Variants in TOGARAM2 observed in about 807,000 individuals in gnomAD.
TOGARAM2 encodes the protein TOG array regulator of axonemal microtubules protein 2.
Under a neutral mutation model 93.3 loss-of-function variants are expected in TOGARAM2, and 85 were observed. The ratio of observed to expected loss-of-function variants is 0.91; its 90% CI spans 0.76 to 1.09. TOGARAM2 has a LOEUF of 1.09. TOGARAM2 is among the 50% of genes least tolerant of loss of function. The probability of loss-of-function intolerance (pLI) is 0.00; values close to 1 mark genes in which losing one functional copy is unlikely to be tolerated. For missense variants in TOGARAM2, 1,277 were observed against 1,334.5 expected (o/e 0.96, Z 0.67); for synonymous variants, 593 against 552.8 (o/e 1.07, Z -1.02).
At position 29,014,171 on chromosome 2, in the gene TOGARAM2, A is replaced by C. The variant is rs149581155; in HGVS notation, c.878-224A>C. 1.1e-3 allele frequency among the ~76,000 whole-genome samples: 173 copies of C among 152,334 alleles called. 1 individual carries two copies. The highest frequency in any genetic ancestry group is 3.9e-3 in the African/African-American group (164 of 41,576). On this transcript the variant is annotated intron_variant, in intron 7 of 19. Transcript: ENST00000379558. Reference sequence around the variant, plus strand: ...CCCAATCCCACACCTATCTTGGAATAAAGTGTGCAGTGAATGAACGAATGG... The same window carrying C: ...CCCAATCCCACACCTATCTTGGAATCAAGTGTGCAGTGAATGAACGAATGG...
upstream of TOGARAM2, chr2:28,981,263 T>C (rs1672177037): frequency 6.6e-6 from 1 of 152,282 alleles, no homozygotes; most frequent in African/African-American, 2.4e-5. Context: ...CAGGGAGCTA[T>C]GGGCTCCTTC....
chr2:29,041,258 A>G (rs947640975), intron 18 of TOGARAM2, among the ~76,000 whole-genome samples: 3 of 152,146 alleles, frequency 2.0e-5, no homozygotes, highest in South Asian at 2.1e-4. Flanking sequence ...TCCTGACCTC[A>G]GGTGATCTGC....
chr2:29,027,644 A>C (rs115516872), intron 14 of TOGARAM2, among the ~76,000 whole-genome samples: 2,563 of 151,292 alleles, frequency 0.017, 67 homozygotes, highest in African/African-American at 0.058. Flanking sequence ...TTGTAGTCCC[A>C]GCTACTGAGG....
At chr2:28,959,056 T>C (rs1671763953) in intron 1 of TOGARAM2, among the ~76,000 whole-genome samples, 5 of 152,156 alleles carry the variant, frequency 3.3e-5, no homozygotes, top group Admixed American at 3.3e-4. Flanking sequence ...GGAATCCTGA[T>C]GGGAGGAGAT....
At chr2:28,967,691 C>T (rs192573502) in intron 1 of TOGARAM2, among the ~76,000 whole-genome samples, 41 of 151,818 alleles carry the variant, frequency 2.7e-4, no homozygotes, top group Admixed American at 7.2e-4. Flanking sequence ...GCGCTTACTC[C>T]GTGACCTTTG....
intron 10 of TOGARAM2, among the ~76,000 whole-genome samples, chr2:29,019,175 CTCTT>C (rs1664776358): frequency 8.0e-6 from 1 of 125,576 alleles, no homozygotes; most frequent in Non-Finnish European, 1.7e-5. Flanking sequence ...ACCCAACTGA[CTCTT>C]TTTTTTTTTT....
chr2:29,014,666 G>A (rs1572708271), intron 8 of TOGARAM2, 105 bp downstream of exon 8: 1 of 1,426,156 alleles, frequency 7.0e-7, no homozygotes, highest in Non-Finnish European at 9.3e-7. Flanking sequence ...CAGCCACAGA[G>A]CAGAGCAAGG....
chr2:29,024,611 G>T (rs1279404936), intron 13 of TOGARAM2, among the ~76,000 whole-genome samples: 2 of 152,130 alleles, frequency 1.3e-5, no homozygotes, highest in African/African-American at 4.8e-5. Flanking sequence ...TTAGCTGGGG[G>T]AGGAAGACCC....
At chr2:29,036,495 C>T (rs761036017) in intron 17 of TOGARAM2, 46 bp from the exon 18 acceptor site, 2 of 1,601,484 alleles carry the variant, frequency 1.2e-6, no homozygotes, top group South Asian at 2.2e-5. Flanking sequence ...GGGAGTCCTG[C>T]CCAGCCTGGG....
chr2:29,009,776 C>T (rs940212156), intron 6 of TOGARAM2, among the ~76,000 whole-genome samples: 1 of 152,028 alleles, frequency 6.6e-6, no homozygotes, highest in Non-Finnish European at 1.5e-5. Context: ...TTTGCTGCTC[C>T]TGCTCCACCC....
In TOGARAM2 at chr2:29,003,675, C is replaced by A. The variant is rs747497290; in HGVS notation, c.823C>A (p.Arg275Ser). The A allele has an allele frequency of 6.5e-6, 10 of 1,538,270 alleles. No homozygotes were observed. The highest frequency in any genetic ancestry group is 7.9e-6 in the Non-Finnish European group (9 of 1,143,908). Reference protein sequence around the residue: ...QGVLTGLRAPRTRLARGSGPR... With the variant: ...QGVLTGLRAPSTRLARGSGPR... ...AGTCCTCACAGGCCTGAGGGCCCCA[C>A]GCACGCGGTAAGAGCTCCAAGTCAA... is the stretch of plus-strand genomic sequence containing the variant. The change falls in exon 6 of 20, where the codon CGC (arginine) becomes AGC (serine). Residue 275 changes from arginine to serine, a missense_variant. Transcript: ENST00000379558.
intron 6 of TOGARAM2, among the ~76,000 whole-genome samples, chr2:29,007,529 T>C (rs6760441): frequency 0.74 from 112,336 of 151,870 alleles, 43,027 homozygotes; most frequent in Non-Finnish European, 0.85. Flanking sequence ...TCTTGGTTTG[T>C]ACTTCCGCTT....
Position 29,033,502 on chromosome 2 carries a change from A to G in TOGARAM2, c.2164A>G (p.Lys722Glu). Residue 722 changes from lysine (K) to glutamate (E), a missense_variant, in exon 16 of 20, where the codon AAA becomes GAA. By Grantham distance (56) the Lys-to-Glu change is moderately conservative. Transcript: ENST00000379558. ...IEDNDELPSA[K>E]GRKVLRSLVV... Reference sequence around the variant, plus strand: ...AGATAATGATGAACTTCCCTCTGCCAAAGGCCGCAAGGTGTTGAGGAGTCT... The same window carrying G: ...AGATAATGATGAACTTCCCTCTGCCGAAGGCCGCAAGGTGTTGAGGAGTCT... 3 of 1,613,744 alleles carry G rather than the reference A, an allele frequency of 1.9e-6. No individual in the cohort carries two copies. Among genetic ancestry groups the G allele is most frequent in the Non-Finnish European group, 2.5e-6 (3 of 1,179,802 alleles).
chr2:29,032,876 C>G, intron 14 of TOGARAM2, 58 bp from the exon 15 acceptor site: 1 of 1,452,332 alleles, frequency 6.9e-7, no homozygotes, highest in Non-Finnish European at 9.5e-7. Flanking sequence ...AGCTGTAAAG[C>G]AAATTTATTT....
rs1664685143 is a variant in TOGARAM2, at chr2:29,017,881, AAGTG to A, written c.1286_1289del (p.Lys429ArgfsTer53). The A allele has an allele frequency of 6.2e-7, 1 of 1,612,938 alleles. No individual in the cohort carries two copies. Among genetic ancestry groups the A allele is most frequent in the Admixed American group, 1.7e-5 (1 of 59,938 alleles). On this transcript the variant is annotated frameshift_variant, in exon 10 of 20. Coordinates refer to ENST00000379558, the MANE Select transcript of TOGARAM2 (RefSeq NM_199280.4). LOFTEE classifies it high-confidence loss of function. ...AAACGACGTCAGCATCATCCTGAGG[AAGTG>A]GGCCAGCCGGGCCTCCCTGCCCAGC... is the stretch of plus-strand genomic sequence containing the variant.
intron 7 of TOGARAM2, among the ~76,000 whole-genome samples, chr2:29,013,296 C>A (rs1056679132): frequency 2.0e-5 from 3 of 152,202 alleles, no homozygotes; most frequent in Non-Finnish European, 4.4e-5. Flanking sequence ...CAAGAGCATT[C>A]GAAGGTTACT....
At chr2:28,960,592 G>A (rs770100773) in intron 1 of TOGARAM2, among the ~76,000 whole-genome samples, 10 of 152,088 alleles carry the variant, frequency 6.6e-5, no homozygotes, top group East Asian at 1.9e-4. Flanking sequence ...ATCACACACC[G>A]AGGAGACCAG....
upstream of TOGARAM2, among the ~76,000 whole-genome samples, chr2:28,979,041 G>A (rs909780530): frequency 7.9e-5 from 12 of 152,188 alleles, no homozygotes; most frequent in South Asian, 2.1e-4. Context: ...GGCTGGATTC[G>A]TGTCCCTTTC....
chr2:29,048,434 A>T (rs1258175388), intron 19 of TOGARAM2: 1 of 152,162 alleles, frequency 6.6e-6, no homozygotes, highest in African/African-American at 2.4e-5. Context: ...TGATTTTTGC[A>T]GTCATCTTCC....
Sources: allele counts gnomAD v4.1 joint callset (sites outside exome capture counted in the v4.1 genomes callset), GRCh38; gene constraint gnomAD v4.1.1; transcripts MANE v1.5; gene names NCBI Gene and HGNC (gene_info 2026-07-23, HGNC 2026-07-21).